RNF213: variants seen among roughly 807,000 people sequenced by gnomAD.
RNF213 encodes ring finger protein 213.
In RNF213, 341 loss-of-function variants were observed where a neutral mutation model predicts 514.4. The ratio of observed to expected loss-of-function variants is 0.66; its 90% CI spans 0.61 to 0.73. The LOEUF (loss-of-function observed/expected upper bound fraction) is 0.73. Ranked by LOEUF, RNF213 falls within the 30% of genes least tolerant of loss-of-function variation. RNF213 has a pLI of 0.00. For synonymous variants in RNF213, 2,655 were observed against 2,658.2 expected (o/e 1.00, Z 0.04); for missense variants, 5,767 against 6,615.6 (o/e 0.87, Z 4.45).
intron 38 of RNF213, 84 bp from the exon 39 acceptor site, chr17:80,361,650 C>G: frequency 6.6e-7 from 1 of 1,507,932 alleles, no homozygotes. Flanking sequence ...GTCCCCATTC[C>G]CCTTCACTCC....
intron 3 of RNF213, chr17:80,278,721 G>T (rs2044155879): frequency 1.3e-6 from 2 of 1,534,820 alleles, no homozygotes; most frequent in Non-Finnish European, 1.7e-6. Flanking sequence ...TGTGCGTGGG[G>T]TGCACAGCCC....
chr17:80,389,738 T>C, intron 65 of RNF213, 90 bp from the exon 66 acceptor site: 1 of 1,049,478 alleles, frequency 9.5e-7, no homozygotes, highest in Admixed American at 1.7e-5. Context: ...GAAGAATGCC[T>C]GTGTGGAGAG....
At chr17:80,310,268 T>C (rs1030183083) in intron 14 of RNF213, among the ~76,000 whole-genome samples, 5 of 152,098 alleles carry the variant, frequency 3.3e-5, no homozygotes, top group African/African-American at 9.7e-5. Context: ...GTTTGTTTTT[T>C]TGAGATGGAG....
chr17:80,302,678 A>T (rs1015787086), intron 11 of RNF213, among the ~76,000 whole-genome samples: 3 of 152,118 alleles, frequency 2.0e-5, no homozygotes, highest in African/African-American at 7.2e-5. Flanking sequence ...CACATAGTAA[A>T]ACCCAGTTTC....
chr17:80,269,412 C>T (rs12449863), intron 2 of RNF213, among the ~76,000 whole-genome samples: 104,356 of 150,154 alleles, frequency 0.69, 37,014 homozygotes, highest in African/African-American at 0.87. Flanking sequence ...ATCATCTATC[C>T]ATCCATCCAT....
chr17:80,390,214 T>A lies in RNF213; in HGVS notation c.15470+18T>A. ...CAGTGGAGGTATGGATTTGCACACC[T>A]ATGGGGCGGGGCAGACACAATGTTG... On this transcript the variant is annotated intron_variant, in intron 67 of 67. Coordinates refer to ENST00000582970, the MANE Select transcript of RNF213 (RefSeq NM_001256071.3). 2 of 1,612,588 alleles carry A rather than the reference T, an allele frequency of 1.2e-6. No individual in the cohort carries two copies. The highest frequency in any genetic ancestry group is 1.7e-6 in the Non-Finnish European group (2 of 1,178,998).
At chr17:80,274,861 GGGGGT>G (rs1297372405) in intron 3 of RNF213, among the ~76,000 whole-genome samples, 1 of 66,360 alleles carries the variant, frequency 1.5e-5, no homozygotes, top group African/African-American at 6.0e-5. Context: ...GTGTGTGTTG[GGGGGT>G]GTGTGAGTGG....
intron 3 of RNF213, among the ~76,000 whole-genome samples, chr17:80,286,415 G>C (rs2044474103): frequency 6.6e-6 from 1 of 152,164 alleles, no homozygotes; most frequent in South Asian, 2.1e-4. Context: ...GATAGAGAAG[G>C]GGTTGCAGTG....
intron 8 of RNF213, among the ~76,000 whole-genome samples, 191 bp from the exon 9 acceptor site, chr17:80,294,529 C>A (rs1288374758): frequency 6.6e-6 from 1 of 152,190 alleles, no homozygotes; most frequent in Non-Finnish European, 1.5e-5. Context: ...ACGGGGCTGG[C>A]CTCAGATGAG....
chr17:80,309,461 CA>C (rs1437820047), intron 14 of RNF213, among the ~76,000 whole-genome samples: 1 of 152,120 alleles, frequency 6.6e-6, no homozygotes, highest in East Asian at 1.9e-4. Flanking sequence ...AGAGCTGGCG[CA>C]GGGGCTGGGG....
In RNF213 at chr17:80,290,570, C is replaced by T; in HGVS notation, c.1113C>T (p.Ser371=). 1 of 1,613,786 alleles carries T rather than the reference C, an allele frequency of 6.2e-7. No homozygotes were observed. The highest frequency in any genetic ancestry group is 2.2e-5 in the East Asian group (1 of 44,888). ...GATTTCTGTTTTGGTTTTCCACCAG[C>T]ACGCTGAGCCCGGGTGGAGGAGTCA... The part of the protein sequence containing the change: ...QEADVQEVKA[S]TLSPGGGVTV... Residue 371 remains serine (S), a splice_region_variant and synonymous_variant, in exon 7 of 68, where the codon AGC becomes AGT. Coordinates refer to ENST00000582970, the MANE Select transcript of RNF213 (RefSeq NM_001256071.3).
Position 80,345,651 on chromosome 17 carries a change from G to T in RNF213, c.7316G>T (p.Gly2439Val), listed in dbSNP as rs775822796. The T allele has an allele frequency of 1.9e-6, 3 of 1,614,244 alleles. No individual in the cohort carries two copies. Among genetic ancestry groups the T allele is most frequent in the South Asian group, 2.2e-5 (2 of 91,088 alleles). Residue 2439 changes from glycine (G) to valine (V), a missense_variant, in exon 29 of 68, where the codon GGT (glycine) becomes GTT (valine). Physicochemically the swap from Gly to Val is moderately radical, Grantham distance 109 (BLOSUM62 -3). Transcript: ENST00000582970. The surrounding 1 kb of genome is among the most constrained non-coding windows in gnomAD (Gnocchi z 6.0). ...LIKFLSDLRR[G>V]GTNADTIKLV... ...AAATTCCTTAGCGACCTGCGGCGTG[G>T]TGGTACCAATGCTGACACCATAAAG...
In RNF213 at chr17:80,396,563, G is replaced by A. The variant is rs943358386; in HGVS notation, c.*3065G>A. 4 of 152,208 alleles carry A rather than the reference G, an allele frequency of 2.6e-5. No individual in the cohort carries two copies. The highest frequency in any genetic ancestry group is 7.2e-5 in the African/African-American group (3 of 41,428). 9.4% of individuals were successfully genotyped at this position (152,208 alleles called of 1,614,324 possible). A position where few individuals can be genotyped will look rare whatever the true frequency, so the allele number is the denominator to read the frequency against. ...GTGAAGGTTGCATAACTGGGGAGGT[G>A]GCTGGAGAAAACCTGAGCCTCGAGC... On this transcript the variant is annotated 3_prime_UTR_variant, in exon 68 of 68. Transcript: ENST00000582970.
intron 49 of RNF213, among the ~76,000 whole-genome samples, 188 bp from the exon 50 acceptor site, chr17:80,374,270 G>A (rs2079650122): frequency 1.3e-5 from 2 of 152,190 alleles, no homozygotes; most frequent in South Asian, 2.1e-4. Flanking sequence ...GCACCTCTTC[G>A]TCTACTGAGG....
intron 42 of RNF213, among the ~76,000 whole-genome samples, chr17:80,367,477 T>A (rs565855968): frequency 1.1e-4 from 16 of 152,326 alleles, no homozygotes; most frequent in Middle Eastern, 3.4e-3. Flanking sequence ...TACTTAAAGT[T>A]TGAAATATCT....
At chr17:80,266,124 G>C (rs991306470) in intron 2 of RNF213, among the ~76,000 whole-genome samples, 4 of 152,004 alleles carry the variant, frequency 2.6e-5, no homozygotes, top group South Asian at 4.1e-4. Context: ...GTCTTTGTTT[G>C]GTTGGCTGAA....
At position 80,288,681 on chromosome 17, in the gene RNF213, A is replaced by G. The variant is rs1168974720; in HGVS notation, c.859A>G (p.Lys287Glu). 3 of 1,614,036 alleles carry G rather than the reference A, an allele frequency of 1.9e-6. No homozygotes were observed. The highest frequency in any genetic ancestry group is 2.5e-6 in the Non-Finnish European group (3 of 1,180,038). The change falls in exon 5 of 68, where the codon AAG becomes GAG. Residue 287 changes from lysine (K) to glutamate (E), a missense_variant. By Grantham distance (56) the Lys-to-Glu change is moderately conservative. Coordinates refer to ENST00000582970, the MANE Select transcript of RNF213 (RefSeq NM_001256071.3). This position sits in a 1 kb window ranked among gnomAD's most constrained non-coding sequence, Gnocchi z 4.9. The part of the protein sequence containing the change: ...EPANAVKGAG[K>E]EMKEKTQRMK... Reference sequence around the variant, plus strand: ...AGCCAATGCAGTTAAAGGGGCCGGGAAGGAAATGAAAGAGAAGACCCAGAG... The same window carrying G: ...AGCCAATGCAGTTAAAGGGGCCGGGGAGGAAATGAAAGAGAAGACCCAGAG...
rs531865359 is a variant in RNF213, at chr17:80,396,788, C to T, written c.*3290C>T. On this transcript the variant is annotated 3_prime_UTR_variant, in exon 68 of 68. Transcript: ENST00000582970. ...GTCAGAAGTCACACCTAATCACCCT[C>T]TCTGCAGGATATGCTGGGGATAGCC... The T allele has an allele frequency of 7.0e-6, 1 of 143,700 alleles. No individual in the cohort carries two copies. Among genetic ancestry groups the T allele is most frequent in the African/African-American group, 2.5e-5 (1 of 39,414 alleles). The allele number at this position is 143,700 out of a possible 1,614,324, so 8.9% of individuals were successfully genotyped here.
chr17:80,317,058 G>C lies in RNF213; in HGVS notation c.2812-130G>C. ...ATGGCTGACTGTTGATGAAGGTTGGGGAGAGCCCTGGTGTTCGCGGAGTCC... is the reference window on the plus strand; with the variant it reads ...ATGGCTGACTGTTGATGAAGGTTGGCGAGAGCCCTGGTGTTCGCGGAGTCC... On this transcript the variant is annotated intron_variant, in intron 15 of 67. Coordinates refer to ENST00000582970, the MANE Select transcript of RNF213 (RefSeq NM_001256071.3). The surrounding 1 kb of genome is among the most constrained non-coding windows in gnomAD (Gnocchi z 4.1). 1 of 990,686 alleles carries C rather than the reference G, an allele frequency of 1.0e-6. No individual in the cohort carries two copies. The highest frequency in any genetic ancestry group is 1.6e-6 in the Non-Finnish European group (1 of 638,962). 61.4% of individuals were successfully genotyped at this position (990,686 alleles called of 1,614,324 possible).
Sources: gnomAD v4.1 joint callset for allele counts (sites outside exome capture counted in the v4.1 genomes callset) on GRCh38, gnomAD v4.1.1 for gene constraint, Gnocchi (gnomAD v3.1) non-coding constraint, MANE v1.5 for transcripts, NCBI Gene and HGNC (gene_info 2026-07-23, HGNC 2026-07-21) for gene names.